PTPA: variants seen among roughly 807,000 people sequenced by gnomAD.
PTPA encodes the protein protein phosphatase 2 phosphatase activator.
Under a neutral mutation model 43.6 loss-of-function variants are expected in PTPA, and 13 were observed. The ratio of observed to expected loss-of-function variants is 0.30; its 90% CI spans 0.19 to 0.47. The LOEUF is 0.47. PTPA is among the 20% of genes least tolerant of loss of function. PTPA has a pLI of 0.99. For synonymous variants in PTPA, 172 were observed against 158.2 expected, an observed-to-expected ratio of 1.09 and a Z score of -0.66; for missense variants, 329 against 411.9, an observed-to-expected ratio of 0.80 and a Z score of 1.74.
chr9:129,129,619 A>G (rs893735321), intron 4 of PTPA, among the ~76,000 whole-genome samples: 2 of 151,592 alleles, frequency 1.3e-5, no homozygotes, highest in African/African-American at 4.9e-5. Context: ...ACAGGCACCC[A>G]CCACCACGCC....
At chr9:129,112,464 G>A (rs141774254) in intron 1 of PTPA, among the ~76,000 whole-genome samples, 156 of 152,298 alleles carry the variant, frequency 1.0e-3, no homozygotes, top group African/African-American at 3.7e-3. Flanking sequence ...TGATATTCTT[G>A]CTATCCTGTC....
intron 8 of PTPA, chr9:129,141,637 C>T (rs1308399156): frequency 6.6e-6 from 1 of 152,284 alleles, no homozygotes; most frequent in African/African-American, 2.4e-5. Flanking sequence ...CAGAATCTTT[C>T]TCTTCCGTCC....
At chr9:129,111,283 T>C (rs1307767996), upstream of PTPA, 3 of 1,214,410 alleles carry the variant, frequency 2.5e-6, no homozygotes, top group South Asian at 1.8e-5. Flanking sequence ...CGGGCGGCCG[T>C]GAGCGGTCCT....
chr9:129,133,357 C>G (rs1850115770), intron 5 of PTPA, among the ~76,000 whole-genome samples: 1 of 152,218 alleles, frequency 6.6e-6, no homozygotes, highest in Non-Finnish European at 1.5e-5. Context: ...GCCAGGTCAG[C>G]AGGGGTTGGT....
chr9:129,125,867 G>T (rs1849542751), intron 3 of PTPA, among the ~76,000 whole-genome samples: 1 of 152,184 alleles, frequency 6.6e-6, no homozygotes, highest in Admixed American at 6.5e-5. Context: ...GCTAGCTTTT[G>T]GCTGGGCGCG....
chr9:129,111,072 G>T (rs749301585), upstream of PTPA: 9 of 1,366,142 alleles, frequency 6.6e-6, no homozygotes, highest in African/African-American at 1.0e-4. Flanking sequence ...TGGTGTCCTT[G>T]AGCCTAACTC....
intron 9 of PTPA, among the ~76,000 whole-genome samples, chr9:129,144,917 C>T (rs1022489478): frequency 2.6e-5 from 4 of 152,066 alleles, no homozygotes; most frequent in African/African-American, 7.2e-5. Context: ...CCTGTGGTCC[C>T]AGCTACTTGG....
Position 129,144,460 on chromosome 9 carries a change from C to T in PTPA, c.894+1908C>T, listed in dbSNP as rs117514052. 7.4e-3 allele frequency among the ~76,000 whole-genome samples: 1,132 copies of T among 152,192 alleles called. 7 individuals carry two copies. The highest frequency in any genetic ancestry group is 0.011 in the Non-Finnish European group (764 of 68,026). On this transcript the variant is annotated intron_variant, in intron 9 of 9. Transcript: ENST00000393370. ...TGACTTTAAGATCACCAAGTCAGGC[C>T]GGGCGTGGTGGCTCACGCCTGTAAT...
At chr9:129,144,964 C>T (rs376645209) in intron 9 of PTPA, among the ~76,000 whole-genome samples, 54 of 151,482 alleles carry the variant, frequency 3.6e-4, no homozygotes, top group African/African-American at 1.1e-3. Context: ...ACCTGGTAGG[C>T]GGAGGTTGCA....
chr9:129,140,962 G>A (rs1387507763), intron 8 of PTPA, among the ~76,000 whole-genome samples: 2 of 152,070 alleles, frequency 1.3e-5, no homozygotes, highest in African/African-American at 4.8e-5. Context: ...CCAAGACAAG[G>A]CCCCCAGGGA....
chr9:129,118,505 CT>C (rs1157085542), intron 1 of PTPA, among the ~76,000 whole-genome samples: 1 of 152,144 alleles, frequency 6.6e-6, no homozygotes, highest in East Asian at 1.9e-4. Flanking sequence ...TCCCAAGTAG[CT>C]GGGATTATAG....
intron 2 of PTPA, among the ~76,000 whole-genome samples, chr9:129,122,190 C>T (rs1588494438): frequency 6.6e-6 from 1 of 152,066 alleles, no homozygotes; most frequent in South Asian, 2.1e-4. Flanking sequence ...GCAGCCTCCA[C>T]CTCTTGGGCT....
At chr9:129,142,657 C>T in intron 9 of PTPA, 105 bp downstream of exon 9, 2 of 1,556,554 alleles carry the variant, frequency 1.3e-6, no homozygotes, top group South Asian at 1.2e-5. Context: ...TCCTCCTACC[C>T]CACTGTTTTG....
intron 9 of PTPA, among the ~76,000 whole-genome samples, chr9:129,146,666 C>T (rs1053624143): frequency 4.6e-5 from 7 of 152,192 alleles, no homozygotes; most frequent in Non-Finnish European, 7.3e-5. Flanking sequence ...GGTGCTGTTG[C>T]GGGAGCTGCA....
intron 9 of PTPA, chr9:129,142,872 A>T: frequency 6.6e-7 from 1 of 1,516,276 alleles, no homozygotes; most frequent in Non-Finnish European, 8.8e-7. Context: ...TCAAGTGGCC[A>T]AAGGCTCCTC....
At chr9:129,114,831 G>A (rs184321151) in intron 1 of PTPA, among the ~76,000 whole-genome samples, 4 of 152,234 alleles carry the variant, frequency 2.6e-5, no homozygotes, top group Admixed American at 6.5e-5. Context: ...GCCTTTGAAG[G>A]CTTGTTTCTT....
chr9:129,145,285 C>G (rs1851221289), intron 9 of PTPA, among the ~76,000 whole-genome samples: 1 of 150,720 alleles, frequency 6.6e-6, no homozygotes, highest in Non-Finnish European at 1.5e-5. Flanking sequence ...GAGCCGAGAT[C>G]ATGCCACTGC....
intron 1 of PTPA, among the ~76,000 whole-genome samples, chr9:129,115,314 C>T (rs1168042637): frequency 2.0e-5 from 3 of 152,158 alleles, no homozygotes; most frequent in Non-Finnish European, 2.9e-5. Flanking sequence ...GCTTGCAGGA[C>T]AGGTGGGAGG....
At chr9:129,117,463 G>GAACGGT (rs1848952169) in intron 1 of PTPA, among the ~76,000 whole-genome samples, 1 of 152,026 alleles carries the variant, frequency 6.6e-6, no homozygotes, top group Admixed American at 6.6e-5. Flanking sequence ...GAGTGCAGTG[G>GAACGGT]CGTGATCTTG....
Sources: allele counts gnomAD v4.1 joint callset (sites outside exome capture counted in the v4.1 genomes callset), GRCh38; gene constraint gnomAD v4.1.1; transcripts MANE v1.5; gene names NCBI Gene and HGNC (gene_info 2026-07-23, HGNC 2026-07-21).